The following PHACTR1 variants were observed in gnomAD, a reference collection of about 807,000 sequenced individuals.
The protein encoded by PHACTR1 is phosphatase and actin regulator 1.
A neutral mutation model predicts 69.2 loss-of-function variants in PHACTR1; 16 were observed. The ratio of observed to expected loss-of-function variants is 0.23; its 90% CI spans 0.16 to 0.35. PHACTR1 has a LOEUF of 0.35. Ranked by LOEUF, PHACTR1 falls within the 10% of genes least tolerant of loss-of-function variation. PHACTR1 has a pLI of 1.00. For synonymous variants in PHACTR1, 312 were observed against 284.5 expected, an observed-to-expected ratio of 1.10 and a Z score of -0.97; for missense variants, 510 against 734.7, an observed-to-expected ratio of 0.69 and a Z score of 3.54.
At chr6:12,924,753 C>T (rs888176402) in intron 4 of PHACTR1, among the ~76,000 whole-genome samples, 11 of 145,332 alleles carry the variant, frequency 7.6e-5, no homozygotes, top group South Asian at 2.2e-4. Context: ...CCAGCCTGGG[C>T]GACAGAGCGA....
At chr6:13,006,979 G>A (rs184054623) in intron 4 of PHACTR1, among the ~76,000 whole-genome samples, 2 of 152,288 alleles carry the variant, frequency 1.3e-5, no homozygotes, top group Admixed American at 1.3e-4. Flanking sequence ...AATATTTGGA[G>A]GGCACTAGTA....
At chr6:13,123,192 C>A (rs1171594742) in intron 5 of PHACTR1, among the ~76,000 whole-genome samples, 1 of 152,196 alleles carries the variant, frequency 6.6e-6, no homozygotes, top group Admixed American at 6.5e-5. Flanking sequence ...TATCCAGCTC[C>A]TGGGTGTAGG....
intron 5 of PHACTR1, among the ~76,000 whole-genome samples, chr6:13,131,062 G>C (rs1419661692): frequency 6.6e-6 from 1 of 151,816 alleles, no homozygotes; most frequent in Non-Finnish European, 1.5e-5. Flanking sequence ...AAAATCATGT[G>C]ATCATCTCAA....
intron 4 of PHACTR1, among the ~76,000 whole-genome samples, chr6:12,866,861 A>C (rs1034622234): frequency 3.3e-5 from 5 of 152,222 alleles, no homozygotes; most frequent in African/African-American, 1.2e-4. Flanking sequence ...TCTGTTTGTC[A>C]CTGCTGTTGA....
At chr6:12,936,960 C>T (rs929608904) in intron 4 of PHACTR1, among the ~76,000 whole-genome samples, 1 of 152,182 alleles carries the variant, frequency 6.6e-6, no homozygotes, top group Non-Finnish European at 1.5e-5. Flanking sequence ...GGATGAGTCA[C>T]ATCAGAGCCA....
At chr6:12,780,637 G>C (rs567838105) in intron 4 of PHACTR1, among the ~76,000 whole-genome samples, 1 of 152,244 alleles carries the variant, frequency 6.6e-6, no homozygotes, top group Non-Finnish European at 1.5e-5. Context: ...GACCAACTCT[G>C]AGCGTAAACA....
intron 8 of PHACTR1, among the ~76,000 whole-genome samples, chr6:13,226,720 G>A (rs1020349334): frequency 6.6e-6 from 1 of 151,282 alleles, no homozygotes; most frequent in Non-Finnish European, 1.5e-5. Context: ...AGTAACTTTC[G>A]AACAACAAAC....
chr6:13,215,164 T>C (rs774036753), intron 8 of PHACTR1, among the ~76,000 whole-genome samples: 1 of 152,210 alleles, frequency 6.6e-6, no homozygotes, highest in Non-Finnish European at 1.5e-5. Flanking sequence ...ACCAATTCTT[T>C]GCTGAGTACA....
At chr6:12,825,239 G>A (rs1490438913) in intron 4 of PHACTR1, among the ~76,000 whole-genome samples, 2 of 151,872 alleles carry the variant, frequency 1.3e-5, no homozygotes, top group Non-Finnish European at 1.5e-5. Context: ...CTTGAGCCCC[G>A]GAGTTCAAGG....
chr6:13,170,803 C>T (rs999078155), intron 6 of PHACTR1, among the ~76,000 whole-genome samples: 6 of 152,200 alleles, frequency 3.9e-5, no homozygotes, highest in Non-Finnish European at 7.3e-5. Context: ...CCCCAGGACC[C>T]TAGACTGCTG....
chr6:13,136,036 T>G (rs1240010892), intron 5 of PHACTR1, among the ~76,000 whole-genome samples: 2 of 152,214 alleles, frequency 1.3e-5, no homozygotes, highest in African/African-American at 4.8e-5. Context: ...TGTATTTATA[T>G]AAAAGTGAGA....
intron 4 of PHACTR1, among the ~76,000 whole-genome samples, chr6:13,052,281 C>T (rs762172200): frequency 2.0e-5 from 3 of 152,218 alleles, no homozygotes; most frequent in Non-Finnish European, 4.4e-5. Flanking sequence ...TGAGTTAAAA[C>T]TATGTTCAGA....
At chr6:13,148,129 G>GT (rs11428535) in intron 5 of PHACTR1, among the ~76,000 whole-genome samples, 71,279 of 139,868 alleles carry the variant, frequency 0.51, 18,665 homozygotes, top group East Asian at 0.67. Context: ...CTTTTGCCTT[G>GT]TTTTTTTTTT....
In PHACTR1 at chr6:13,287,203, G is replaced by A. The variant is rs1584493770; in HGVS notation, c.*125G>A. ...TTCTGAACTGCCTTTTTTTTAAAAA[G>A]AAGAAAAATCAAGGAAACACAATCA... On this transcript the variant is annotated 3_prime_UTR_variant, in exon 15 of 15. Coordinates refer to ENST00000332995, the MANE Select transcript of PHACTR1 (RefSeq NM_030948.6). The A allele has an allele frequency of 2.0e-6, 2 of 1,006,630 alleles. No individual in the cohort carries two copies. Among genetic ancestry groups the A allele is most frequent in the East Asian group, 5.6e-5 (2 of 35,450 alleles). The allele number at this position is 1,006,630 out of a possible 1,614,324, so 62.4% of individuals were successfully genotyped here.
chr6:13,099,936 T>C (rs1167311526), intron 5 of PHACTR1, among the ~76,000 whole-genome samples: 1 of 152,232 alleles, frequency 6.6e-6, no homozygotes, highest in East Asian at 1.9e-4. Context: ...TGATTTAATG[T>C]CACAACAAGG....
chr6:13,045,158 A>T (rs1478546361), intron 4 of PHACTR1, among the ~76,000 whole-genome samples: 1 of 152,192 alleles, frequency 6.6e-6, no homozygotes, highest in African/African-American at 2.4e-5. Context: ...TCTTAATTAA[A>T]AGCATGTGTT....
chr6:13,110,049 A>G (rs985275141), intron 5 of PHACTR1, among the ~76,000 whole-genome samples: 8 of 151,724 alleles, frequency 5.3e-5, no homozygotes, highest in African/African-American at 1.2e-4. Flanking sequence ...TCTTATGTTC[A>G]TATTTTAAAT....
chr6:13,230,996 A>G lies in PHACTR1; in HGVS notation c.1391+803A>G, dbSNP rs192452547. Among the ~76,000 whole-genome samples, 671 of 120,782 alleles carry G rather than the reference A, an allele frequency of 5.6e-3. 10 individuals carry two copies. Among genetic ancestry groups the G allele is most frequent in the African/African-American group, 0.017 (632 of 37,858 alleles). 79.2% of individuals were successfully genotyped at this position (120,782 alleles called of 152,430 possible). A position where few individuals can be genotyped will look rare whatever the true frequency, so the allele number is the denominator to read the frequency against. ...GTGCCACTGCACTCCAGCCCAGGTG[A>G]CAGAGAGAGAGAGAGAGAGAAGGAA... On this transcript the variant is annotated intron_variant, in intron 10 of 14. Coordinates refer to ENST00000332995, the MANE Select transcript of PHACTR1 (RefSeq NM_030948.6).
chr6:13,034,397 C>G (rs4616991), intron 4 of PHACTR1, among the ~76,000 whole-genome samples: 107,698 of 152,118 alleles, frequency 0.71, 39,417 homozygotes, highest in East Asian at 0.88. Context: ...ATTCATAAAA[C>G]GCAGTTTGTT....
Sources: gnomAD v4.1 joint callset for allele counts (sites outside exome capture counted in the v4.1 genomes callset) on GRCh38, gnomAD v4.1.1 for gene constraint, MANE v1.5 for transcripts, NCBI Gene and HGNC (gene_info 2026-07-23, HGNC 2026-07-21) for gene names.